The following DYSF variants were observed in gnomAD, a reference collection of about 807,000 sequenced individuals.
The protein encoded by DYSF is dystrophy-associated fer-1-like 1.
Under a neutral mutation model 274.9 loss-of-function variants are expected in DYSF, and 212 were observed. That is an observed-to-expected ratio of 0.77 (90% confidence interval 0.69 to 0.86). The LOEUF (loss-of-function observed/expected upper bound fraction) is 0.86. Among genes scored for constraint, DYSF ranks in the 40% least tolerant of loss-of-function variants. DYSF has a pLI of 0.00. For missense variants in DYSF, 2,666 were observed against 2,783.2 expected (o/e 0.96, Z 0.95); for synonymous variants, 1,091 against 1,078.7 (o/e 1.01, Z -0.22).
chr2:71,562,420 A>G (rs1360270589), intron 23 of DYSF, among the ~76,000 whole-genome samples: 3 of 152,100 alleles, frequency 2.0e-5, no homozygotes, highest in African/African-American at 7.2e-5. Context: ...CATTTTCAGT[A>G]ACTCTGAGTT....
intron 3 of DYSF, among the ~76,000 whole-genome samples, chr2:71,490,636 T>C (rs983068238): frequency 4.6e-5 from 7 of 152,234 alleles, no homozygotes; most frequent in African/African-American, 1.7e-4. Flanking sequence ...CTGGTGCATA[T>C]CTTTCTGGAC....
chr2:71,618,392 T>TGTGTGTGTGTGGTAGAGGTG (rs1558639767), intron 40 of DYSF, among the ~76,000 whole-genome samples: 8 of 74,374 alleles, frequency 1.1e-4, no homozygotes, highest in African/African-American at 4.0e-4. Flanking sequence ...AGAGGTGGTG[T>TGTGTGTGTGTGGTAGAGGTG]GTGTGTGTGT....
Position 71,654,468 on chromosome 2 carries a change from A to T in DYSF, c.4627-1694A>T, listed in dbSNP as rs562241121. Among the ~76,000 whole-genome samples, 6 of 152,282 alleles carry T rather than the reference A, an allele frequency of 3.9e-5. No homozygotes were observed. The East Asian group carries it at 1.2e-3, about 29-fold the overall frequency. On this transcript the variant is annotated intron_variant, in intron 42 of 55. Transcript: ENST00000410020. ...GGATAGGAGATTTTAAAACTCCCACACCGTATAAGTGGTTTAAAAAAATAA... is the reference window on the plus strand; with the variant it reads ...GGATAGGAGATTTTAAAACTCCCACTCCGTATAAGTGGTTTAAAAAAATAA...
intron 40 of DYSF, among the ~76,000 whole-genome samples, chr2:71,618,209 T>G (rs2093963144): frequency 9.8e-6 from 1 of 102,448 alleles, no homozygotes; most frequent in Non-Finnish European, 1.9e-5. Context: ...AGAGATGGGA[T>G]GTGTGTGTGT....
Position 71,511,866 on chromosome 2 carries a change from G to T in DYSF, c.405G>T (p.Pro135=). ...TPLPGAVPLF[P]PPTPLEPSPT... is the part of the protein sequence containing the mutation. ...TGCCTGGAGCTGTGCCCCTGTTCCCGCCCCCTACTCCTCTGGAGCCCTCCC... is the reference window on the plus strand; with the variant it reads ...TGCCTGGAGCTGTGCCCCTGTTCCCTCCCCCTACTCCTCTGGAGCCCTCCC... Residue 135 remains proline (P), a synonymous_variant, in exon 5 of 56, where the codon CCG becomes CCT. Transcript: ENST00000410020. The T allele has an allele frequency of 6.4e-7, 1 of 1,551,382 alleles. No individual in the cohort carries two copies. Among genetic ancestry groups the T allele is most frequent in the Non-Finnish European group, 8.7e-7 (1 of 1,146,840 alleles).
chr2:71,541,270 A>G (rs2089902336), intron 17 of DYSF, among the ~76,000 whole-genome samples: 1 of 152,176 alleles, frequency 6.6e-6, no homozygotes. Context: ...GCCCTTTTTG[A>G]GTGGGTATAG....
At chr2:71,457,948 G>C (rs1051330373) in intron 1 of DYSF, among the ~76,000 whole-genome samples, 1 of 152,168 alleles carries the variant, frequency 6.6e-6, no homozygotes, top group African/African-American at 2.4e-5. Context: ...TGAAAGTTGG[G>C]CGGGGGGCTC....
chr2:71,612,369 G>C (rs2093783216), intron 38 of DYSF, among the ~76,000 whole-genome samples: 1 of 152,170 alleles, frequency 6.6e-6, no homozygotes, highest in Non-Finnish European at 1.5e-5. Context: ...AGCCAGTGAG[G>C]GAGCGCAGCC....
At chr2:71,661,116 C>CAAAAAAAAAAA (rs55761719) in intron 45 of DYSF, among the ~76,000 whole-genome samples, 6 of 85,930 alleles carry the variant, frequency 7.0e-5, no homozygotes, top group African/African-American at 1.3e-4. Context: ...AACCCTGTCT[C>CAAAAAAAAAAA]AAAAAAAAAA....
rs377586042 is a variant in DYSF, at chr2:71,513,256, G to A, written c.477G>A (p.Arg159=). 111 of 1,551,614 alleles carry A rather than the reference G, an allele frequency of 7.2e-5. 2 individuals carry two copies. The highest frequency in any genetic ancestry group is 5.5e-4 in the South Asian group (46 of 84,064). ...LDVVAGGGQS[R]AETWSLLSDS... The stretch of plus-strand genomic sequence containing the variant: ...ACAAGACAGGCGGGGGACAGAGCCG[G>A]GCCGAGACTTGGTCCCTGCTCAGTG... The change falls in exon 6 of 56, where the codon CGG becomes CGA. Residue 159 remains arginine (R), a synonymous_variant. Coordinates refer to ENST00000410020, the MANE Select transcript of DYSF (RefSeq NM_001130987.2).
intron 4 of DYSF, among the ~76,000 whole-genome samples, chr2:71,503,787 C>T (rs1362321545): frequency 1.3e-5 from 2 of 152,110 alleles, no homozygotes; most frequent in Non-Finnish European, 1.5e-5. Context: ...CTTCCTTTTC[C>T]TCCGTTGTTC....
At position 71,556,011 on chromosome 2, in the gene DYSF, C is replaced by A. The variant is rs1225307062; in HGVS notation, c.2156C>A (p.Ser719Tyr). The A allele has an allele frequency of 1.0e-5, 16 of 1,577,440 alleles. No homozygotes were observed. Among genetic ancestry groups the A allele is most frequent in the Non-Finnish European group, 1.4e-5 (16 of 1,162,130 alleles). ...QVHLALKAQC[S>Y]TEDVDSLVAQ... ...CACCTGGCCCTGAAGGCGCAGTGCT[C>A]CACGGAGGACGTGGACTCGCTGGTG... The change falls in exon 22 of 56, where the codon TCC becomes TAC. Residue 719 changes from serine to tyrosine, a missense_variant. Ser to Tyr is a moderately radical substitution (Grantham distance 144). Coordinates refer to ENST00000410020, the MANE Select transcript of DYSF (RefSeq NM_001130987.2).
chr2:71,543,160 C>T (rs1280595900), intron 17 of DYSF, among the ~76,000 whole-genome samples: 3 of 149,000 alleles, frequency 2.0e-5, no homozygotes, highest in Admixed American at 6.7e-5. Context: ...GGCTGCCGGG[C>T]GGAGGGGCTC....
At chr2:71,472,195 C>A (rs2082083003) in intron 1 of DYSF, among the ~76,000 whole-genome samples, 1 of 152,184 alleles carries the variant, frequency 6.6e-6, no homozygotes, top group Non-Finnish European at 1.5e-5. Context: ...GTGACTACAT[C>A]TTTGGCCACA....
chr2:71,531,371 A>G (rs2088680166), intron 14 of DYSF, among the ~76,000 whole-genome samples: 1 of 152,044 alleles, frequency 6.6e-6, no homozygotes, highest in South Asian at 2.1e-4. Context: ...CACTCATGGC[A>G]CTTTAGTGAT....
chr2:71,674,695 C>T (rs1379876728), intron 52 of DYSF, among the ~76,000 whole-genome samples: 1 of 152,202 alleles, frequency 6.6e-6, no homozygotes, highest in African/African-American at 2.4e-5. Context: ...GTGTGACCGA[C>T]TGAGTGAACA....
At chr2:71,536,865 T>G (rs954404151) in intron 16 of DYSF, among the ~76,000 whole-genome samples, 8 of 152,250 alleles carry the variant, frequency 5.3e-5, no homozygotes, top group Non-Finnish European at 1.2e-4. Flanking sequence ...TAAGCTCTTG[T>G]TATTACCTGA....
intron 40 of DYSF, among the ~76,000 whole-genome samples, chr2:71,616,796 C>T (rs1414028038): frequency 6.6e-6 from 1 of 152,158 alleles, no homozygotes; most frequent in Non-Finnish European, 1.5e-5. Context: ...GAATGCACTG[C>T]ACCCAACATT....
chr2:71,606,693 G>A (rs999437959), intron 36 of DYSF, among the ~76,000 whole-genome samples: 1 of 152,174 alleles, frequency 6.6e-6, no homozygotes, highest in Non-Finnish European at 1.5e-5. Flanking sequence ...ATGTAGACGG[G>A]GTTAAGAGAG....
Sources: allele counts gnomAD v4.1 joint callset (sites outside exome capture counted in the v4.1 genomes callset), GRCh38; gene constraint gnomAD v4.1.1; transcripts MANE v1.5; gene names NCBI Gene and HGNC (gene_info 2026-07-23, HGNC 2026-07-21).